B3GALT1: variants seen among roughly 807,000 people sequenced by gnomAD.
B3GALT1 encodes UDP-Gal:betaGlcNAc beta 1,3-galactosyltransferase, polypeptide 1.
Under a neutral mutation model 23.2 loss-of-function variants are expected in B3GALT1, and 10 were observed. The observed-to-expected ratio is 0.43, with a 90% CI of 0.27 to 0.73. B3GALT1 has a LOEUF of 0.73. Among genes scored for constraint, B3GALT1 ranks in the 30% least tolerant of loss-of-function variants. The pLI is 0.21. For synonymous variants in B3GALT1, 156 were observed against 141.5 expected (o/e 1.10, Z -0.73); for missense variants, 299 against 405.4 (o/e 0.74, Z 2.25).
At chr2:167,711,539 G>C (rs757718227) in intron 3 of B3GALT1, among the ~76,000 whole-genome samples, 35 of 152,184 alleles carry the variant, frequency 2.3e-4, no homozygotes, top group Non-Finnish European at 4.9e-4. Context: ...ATGCTATTCT[G>C]ACTTAAGGTC....
intron 4 of B3GALT1, among the ~76,000 whole-genome samples, chr2:167,867,127 C>A (rs530008074): frequency 4.6e-5 from 7 of 152,076 alleles, no homozygotes; most frequent in Non-Finnish European, 1.0e-4. Flanking sequence ...GGGGTTTCAC[C>A]GTTTTAGCCA....
intron 3 of B3GALT1, chr2:167,714,968 G>T (rs776955811): frequency 2.5e-6 from 4 of 1,611,566 alleles, no homozygotes; most frequent in Non-Finnish European, 2.5e-6. Context: ...TATGTTTTCT[G>T]ACTGCAAAGA....
Position 167,871,891 on chromosome 2 carries a change from C to CTTTTTTTTTTTTTTTTTTTT in B3GALT1, c.*1880_*1899dup, listed in dbSNP as rs397870339. Reference sequence around the variant, plus strand: ...AGAGTGTACCTTTTTTATTTATTTACTTTTTTTTTTTTTTTTTTTTTTTTT... The same window carrying CTTTTTTTTTTTTTTTTTTTT: ...AGAGTGTACCTTTTTTATTTATTTACTTTTTTTTTTTTTTTTTTTTTTTTTTTTTTTTTTTTTTTTTTTTT... On this transcript the variant is annotated 3_prime_UTR_variant, in exon 5 of 5. Transcript: ENST00000392690. 8 of 62,450 alleles carry CTTTTTTTTTTTTTTTTTTTT rather than the reference C, an allele frequency of 1.3e-4. 1 individual carries two copies. Among genetic ancestry groups the CTTTTTTTTTTTTTTTTTTTT allele is most frequent in the Non-Finnish European group, 1.5e-4 (5 of 32,560 alleles). The allele number at this position is 62,450 out of a possible 1,614,324, so 3.9% of individuals were successfully genotyped here.
intron 2 of B3GALT1, among the ~76,000 whole-genome samples, chr2:167,597,687 C>A (rs916648685): frequency 2.6e-5 from 4 of 152,146 alleles, no homozygotes; most frequent in Non-Finnish European, 4.4e-5. Flanking sequence ...TTGAAGCAAA[C>A]CCCTAGGGTT....
At chr2:167,795,593 A>G (rs749207354) in intron 3 of B3GALT1, among the ~76,000 whole-genome samples, 11 of 152,178 alleles carry the variant, frequency 7.2e-5, no homozygotes, top group Non-Finnish European at 1.0e-4. Flanking sequence ...AATCAATCCA[A>G]TGCTGTACTC....
intron 3 of B3GALT1, among the ~76,000 whole-genome samples, chr2:167,688,518 T>G (rs1276609079): frequency 6.6e-6 from 1 of 152,068 alleles, no homozygotes; most frequent in Admixed American, 6.6e-5. Flanking sequence ...ATGAAATTTT[T>G]AAAACTCGAT....
chr2:167,489,679 A>G (rs915604222), intron 1 of B3GALT1, among the ~76,000 whole-genome samples: 1 of 152,032 alleles, frequency 6.6e-6, no homozygotes, highest in African/African-American at 2.4e-5. Flanking sequence ...TTTGGTAGGG[A>G]TTTTTACATT....
intron 3 of B3GALT1, among the ~76,000 whole-genome samples, chr2:167,702,109 C>A (rs1686889716): frequency 6.6e-6 from 1 of 152,182 alleles, no homozygotes; most frequent in African/African-American, 2.4e-5. Context: ...TTATAAGTAT[C>A]TCTGTGTGAT....
chr2:167,359,238 C>CT (rs1209042418), intron 1 of B3GALT1, among the ~76,000 whole-genome samples: 1 of 152,134 alleles, frequency 6.6e-6, no homozygotes, highest in African/African-American at 2.4e-5. Flanking sequence ...TTAGTGTCTT[C>CT]TTTGAGTGCA....
intron 1 of B3GALT1, among the ~76,000 whole-genome samples, chr2:167,399,226 T>C (rs1698147634): frequency 6.6e-6 from 1 of 152,148 alleles, no homozygotes; most frequent in South Asian, 2.1e-4. Flanking sequence ...ATACCAATAA[T>C]TGAGTTAGAA....
intron 4 of B3GALT1, among the ~76,000 whole-genome samples, chr2:167,826,884 G>A (rs937207850): frequency 8.5e-5 from 13 of 152,166 alleles, no homozygotes; most frequent in African/African-American, 3.1e-4. Context: ...ATGCATGTAG[G>A]TTATATGCAA....
chr2:167,750,246 G>GA (rs1030077562), intron 3 of B3GALT1, among the ~76,000 whole-genome samples: 4 of 152,062 alleles, frequency 2.6e-5, no homozygotes, highest in Non-Finnish European at 4.4e-5. Flanking sequence ...TACTTAATGG[G>GA]AAAAAAATCT....
intron 2 of B3GALT1, among the ~76,000 whole-genome samples, chr2:167,577,866 A>G (rs1684412023): frequency 1.3e-5 from 2 of 152,096 alleles, no homozygotes; most frequent in South Asian, 4.1e-4. Context: ...ACTGAAAAAA[A>G]AAGTTAAGAG....
At chr2:167,828,410 G>C (rs1413215835) in intron 4 of B3GALT1, among the ~76,000 whole-genome samples, 1 of 152,208 alleles carries the variant, frequency 6.6e-6, no homozygotes. Context: ...TGTTCTGTGG[G>C]AATGTGACAT....
chr2:167,357,697 G>C (rs918441007), intron 1 of B3GALT1, among the ~76,000 whole-genome samples: 4 of 152,072 alleles, frequency 2.6e-5, no homozygotes, highest in Non-Finnish European at 5.9e-5. Flanking sequence ...GTACAATATT[G>C]AGCACTTTAA....
intron 1 of B3GALT1, among the ~76,000 whole-genome samples, chr2:167,437,992 T>A (rs55795853): frequency 6.6e-6 from 1 of 152,136 alleles, no homozygotes; most frequent in Non-Finnish European, 1.5e-5. Flanking sequence ...CTTTCTTCCC[T>A]CCTAGTGAGG....
intron 1 of B3GALT1, among the ~76,000 whole-genome samples, chr2:167,310,208 A>AT (rs1239520472): frequency 4.0e-5 from 6 of 151,096 alleles, no homozygotes; most frequent in East Asian, 3.9e-4. Context: ...ACAATTAATG[A>AT]TTTTTTTTTC....
chr2:167,670,713 A>T (rs756139801), intron 3 of B3GALT1, among the ~76,000 whole-genome samples: 9 of 152,236 alleles, frequency 5.9e-5, no homozygotes, highest in African/African-American at 2.2e-4. Context: ...AATCATGAAA[A>T]AGAACCAAAC....
chr2:167,873,465 G>A lies in B3GALT1; in HGVS notation c.*3445G>A, dbSNP rs887725665. On this transcript the variant is annotated 3_prime_UTR_variant, in exon 5 of 5. Transcript: ENST00000392690. The stretch of plus-strand genomic sequence containing the variant: ...TATTTACAGAGGAGCCAAGGAAGAA[G>A]TTTTTCGATCAAATCTCTTCTATCA... 1 of 152,124 alleles carries A rather than the reference G, an allele frequency of 6.6e-6. No homozygotes were observed. The highest frequency in any genetic ancestry group is 2.4e-5 in the African/African-American group (1 of 41,422). 9.4% of individuals were successfully genotyped at this position (152,124 alleles called of 1,614,324 possible).
Sources: gnomAD v4.1 joint callset for allele counts (sites outside exome capture counted in the v4.1 genomes callset) on GRCh38, gnomAD v4.1.1 for gene constraint, MANE v1.5 for transcripts, NCBI Gene and HGNC (gene_info 2026-07-23, HGNC 2026-07-21) for gene names.